Variants in PACRG observed in about 807,000 individuals in gnomAD.
PACRG encodes parkin coregulated, also known as parkin coregulated gene protein.
In PACRG, 29 loss-of-function variants were observed where a neutral mutation model predicts 29.7. The ratio of observed to expected loss-of-function variants is 0.98; its 90% CI spans 0.73 to 1.33. The LOEUF (loss-of-function observed/expected upper bound fraction) is 1.33. Ranked by LOEUF, PACRG falls within the 40% of genes most tolerant of loss-of-function variation. The pLI is 0.00. For missense variants in PACRG, 279 were observed against 316.2 expected (o/e 0.88, Z 0.89); for synonymous variants, 116 against 118.7 (o/e 0.98, Z 0.15).
chr6:163,264,605 T>A (rs558417341), intron 4 of PACRG, among the ~76,000 whole-genome samples: 36 of 152,014 alleles, frequency 2.4e-4, no homozygotes, highest in African/African-American at 8.2e-4. Flanking sequence ...CAGAGATTGG[T>A]GGGGCAGCTG....
At chr6:162,752,190 TAC>T (rs1781561616) in intron 1 of PACRG, among the ~76,000 whole-genome samples, 1 of 152,146 alleles carries the variant, frequency 6.6e-6, no homozygotes, top group Non-Finnish European at 1.5e-5. Context: ...AGCTCTATTT[TAC>T]ACACATACAC....
chr6:163,314,104 A>T (rs1785549613), intron 4 of PACRG, among the ~76,000 whole-genome samples: 1 of 152,180 alleles, frequency 6.6e-6, no homozygotes, highest in East Asian at 1.9e-4. Context: ...CCCTCGTAGC[A>T]TCAGAGGCAG....
chr6:162,889,743 A>G (rs1193582110), intron 2 of PACRG, among the ~76,000 whole-genome samples: 1 of 152,226 alleles, frequency 6.6e-6, no homozygotes, highest in African/African-American at 2.4e-5. Context: ...ACTGAGTTTT[A>G]TAGTCCGGTT....
intron 4 of PACRG, among the ~76,000 whole-genome samples, chr6:163,271,584 C>T (rs4529279): frequency 0.64 from 97,958 of 152,028 alleles, 31,570 homozygotes; most frequent in Middle Eastern, 0.69. Flanking sequence ...ACATCAGGTG[C>T]CCCAACATCA....
chr6:163,119,840 T>G (rs973568595), intron 4 of PACRG, among the ~76,000 whole-genome samples: 2 of 152,178 alleles, frequency 1.3e-5, no homozygotes, highest in Admixed American at 6.5e-5. Context: ...ATTTTTGTTG[T>G]TGTTGTTGTT....
chr6:163,064,329 T>C (rs777092114), intron 3 of PACRG, among the ~76,000 whole-genome samples: 2 of 152,220 alleles, frequency 1.3e-5, no homozygotes, highest in African/African-American at 2.4e-5. Flanking sequence ...GTCATGTGAC[T>C]AAATTTACAG....
chr6:162,869,155 C>T (rs1056280209), intron 2 of PACRG, among the ~76,000 whole-genome samples: 3 of 152,136 alleles, frequency 2.0e-5, no homozygotes, highest in African/African-American at 7.2e-5. Context: ...TCCCAAATAA[C>T]AGTGGATGTA....
chr6:162,912,572 CTTTT>C (rs745997012), intron 2 of PACRG, among the ~76,000 whole-genome samples: 5 of 137,070 alleles, frequency 3.6e-5, no homozygotes, highest in Admixed American at 7.4e-5. Flanking sequence ...ATATTATATT[CTTTT>C]TTTTTTTTTT....
upstream of PACRG, chr6:162,727,770 G>T: frequency 8.0e-7 from 1 of 1,249,712 alleles, no homozygotes; most frequent in Admixed American, 2.0e-5. Context: ...AAATCCTCCA[G>T]GCCTCCCCGC....
intron 2 of PACRG, among the ~76,000 whole-genome samples, chr6:162,932,359 A>C (rs1797915183): frequency 6.6e-6 from 1 of 152,178 alleles, no homozygotes; most frequent in South Asian, 2.1e-4. Flanking sequence ...GTCAAAACTT[A>C]TCAAATTGTA....
intron 2 of PACRG, among the ~76,000 whole-genome samples, chr6:163,053,206 A>G (rs1422136774): frequency 1.3e-5 from 2 of 152,176 alleles, no homozygotes; most frequent in Non-Finnish European, 2.9e-5. Context: ...AAACCTTAAA[A>G]ATGACTATTT....
At chr6:162,783,174 G>C (rs1160745863) in intron 1 of PACRG, among the ~76,000 whole-genome samples, 1 of 151,902 alleles carries the variant, frequency 6.6e-6, no homozygotes, top group African/African-American at 2.4e-5. Flanking sequence ...AGGAAGGAAT[G>C]TGTATTTTGC....
In PACRG at chr6:162,981,305, A is replaced by ATATATATATATATATATATT. The variant is rs925663285; in HGVS notation, c.292-80844_292-80843insATATATATATATATATATTT. Among the ~76,000 whole-genome samples, 9 of 149,158 alleles carry ATATATATATATATATATATT rather than the reference A, an allele frequency of 6.0e-5. No homozygotes were observed. The East Asian group carries it at 7.8e-4, about 13-fold the overall frequency. ...ATGTATAAAACATATATATATATAT[A>ATATATATATATATATATATT]TTTACAATGGCAAAAATATAGAACC... is the stretch of plus-strand genomic sequence containing the variant. On this transcript the variant is annotated intron_variant, in intron 2 of 4. Coordinates refer to ENST00000366888, the MANE Select transcript of PACRG (RefSeq NM_001080379.2).
chr6:162,959,211 G>T (rs1323164349), intron 2 of PACRG, among the ~76,000 whole-genome samples: 1 of 151,828 alleles, frequency 6.6e-6, no homozygotes, highest in African/African-American at 2.4e-5. Flanking sequence ...TAGCCACCGT[G>T]CCTGGCCAAC....
intron 4 of PACRG, among the ~76,000 whole-genome samples, chr6:163,091,647 C>G (rs1814118917): frequency 6.6e-6 from 1 of 152,058 alleles, no homozygotes; most frequent in Admixed American, 6.5e-5. Context: ...TCAGAGGGTC[C>G]TATTACAAAA....
At chr6:162,868,870 AT>A (rs1792554313) in intron 2 of PACRG, among the ~76,000 whole-genome samples, 1 of 152,016 alleles carries the variant, frequency 6.6e-6, no homozygotes. Flanking sequence ...CTAAAACCAA[AT>A]TCCTTTTAGA....
intron 1 of PACRG, among the ~76,000 whole-genome samples, chr6:162,747,816 G>A (rs1781203416): frequency 6.6e-6 from 1 of 151,872 alleles, no homozygotes; most frequent in Admixed American, 6.6e-5. Context: ...TATTAGTAAT[G>A]GGAGACGGGG....
At chr6:162,817,103 AGC>A (rs1307121723) in intron 2 of PACRG, among the ~76,000 whole-genome samples, 1 of 152,190 alleles carries the variant, frequency 6.6e-6, no homozygotes, top group Non-Finnish European at 1.5e-5. Context: ...GTGTTTCCAG[AGC>A]CTGTGGCTCC....
At chr6:162,862,300 C>A (rs2128442714) in intron 2 of PACRG, among the ~76,000 whole-genome samples, 1 of 152,264 alleles carries the variant, frequency 6.6e-6, no homozygotes, top group South Asian at 2.1e-4. Context: ...AAGCTTCTGT[C>A]ATGTCATTAC....
Sources: allele counts gnomAD v4.1 joint callset (sites outside exome capture counted in the v4.1 genomes callset), GRCh38; gene constraint gnomAD v4.1.1; transcripts MANE v1.5; gene names NCBI Gene and HGNC (gene_info 2026-07-23, HGNC 2026-07-21).